RANBP2: variants seen among roughly 807,000 people sequenced by gnomAD.
The protein encoded by RANBP2 is RAN binding protein 2, also known as E3 SUMO-protein ligase RanBP2.
RANBP2 carries 57 observed loss-of-function variants against 303.6 expected under a neutral mutation model. That is an observed-to-expected ratio of 0.19 (90% CI 0.15 to 0.23). The LOEUF (loss-of-function observed/expected upper bound fraction) is 0.23. Among genes scored for constraint, RANBP2 ranks in the 10% least tolerant of loss-of-function variants. The probability of loss-of-function intolerance (pLI) is 1.00; values close to 1 mark genes in which losing one functional copy is unlikely to be tolerated. For synonymous variants in RANBP2, 1,167 were observed against 1,301.5 expected, an observed-to-expected ratio of 0.90 and a Z score of 2.23; for missense variants, 3,138 against 3,780.8, an observed-to-expected ratio of 0.83 and a Z score of 4.46.
the RANBP2 span, among the ~76,000 whole-genome samples, chr2:108,934,254 A>G: frequency 0.014 from 2,173 of 152,126 alleles, 33 homozygotes; most frequent in African/African-American, 0.048. Context: ...GGGGGAGGGG[A>G]GCACAGGGCA....
At chr2:109,431,373 T>A in the RANBP2 span, among the ~76,000 whole-genome samples, 5 of 152,212 alleles carry the variant, frequency 3.3e-5, no homozygotes, top group Non-Finnish European at 5.9e-5. Context: ...TAAAATAATC[T>A]GGTATGTTCT....
the RANBP2 span, among the ~76,000 whole-genome samples, chr2:109,672,099 T>G: frequency 6.6e-6 from 1 of 152,114 alleles, no homozygotes; most frequent in Non-Finnish European, 1.5e-5. Context: ...TACTCACCAG[T>G]GTGTTGTATT....
chr2:109,120,183 A>T, the RANBP2 span, among the ~76,000 whole-genome samples: 1 of 152,192 alleles, frequency 6.6e-6, no homozygotes, highest in Non-Finnish European at 1.5e-5. Flanking sequence ...GGCTACCTGT[A>T]GGGTGGAGTC....
the RANBP2 span, among the ~76,000 whole-genome samples, chr2:109,200,330 C>T: frequency 2.6e-5 from 4 of 152,196 alleles, no homozygotes; most frequent in Admixed American, 6.5e-5. Context: ...GCAGAACTCA[C>T]TAGCAGCCTC....
chr2:109,614,469 G>C, the RANBP2 span: 1 of 1,218,408 alleles, frequency 8.2e-7, no homozygotes, highest in East Asian at 3.4e-5. Flanking sequence ...GCCCGCTGGC[G>C]GGGGAGCAGC....
At chr2:109,127,783 A>C in the RANBP2 span, 1 of 152,252 alleles carries the variant, frequency 6.6e-6, no homozygotes, top group Non-Finnish European at 1.5e-5. Context: ...CAAGAGTTTG[A>C]GGCTGCAGTG....
At chr2:109,188,818 G>C in the RANBP2 span, among the ~76,000 whole-genome samples, 1 of 152,160 alleles carries the variant, frequency 6.6e-6, no homozygotes, top group Non-Finnish European at 1.5e-5. Context: ...ATTAAAAACT[G>C]TTCCTACTTT....
At chr2:109,002,128 G>A in the RANBP2 span, among the ~76,000 whole-genome samples, 2 of 152,198 alleles carry the variant, frequency 1.3e-5, no homozygotes, top group African/African-American at 4.8e-5. Flanking sequence ...TGGCTGCACT[G>A]CACCCTTGCT....
At chr2:109,094,700 G>A in the RANBP2 span, among the ~76,000 whole-genome samples, 2 of 152,134 alleles carry the variant, frequency 1.3e-5, no homozygotes, top group African/African-American at 4.8e-5. Flanking sequence ...CATAGTGGTG[G>A]GTGCCTGCAA....
At chr2:109,696,265 G>T in the RANBP2 span, among the ~76,000 whole-genome samples, 3 of 152,060 alleles carry the variant, frequency 2.0e-5, no homozygotes, top group African/African-American at 7.2e-5. Flanking sequence ...GCCCAACCAA[G>T]ATAATAAAGA....
the RANBP2 span, among the ~76,000 whole-genome samples, chr2:109,606,959 T>C: frequency 6.6e-6 from 1 of 152,184 alleles, no homozygotes; most frequent in African/African-American, 2.4e-5. Flanking sequence ...GCAAAGCTAT[T>C]TCTTTCATGA....
chr2:109,163,936 T>A, the RANBP2 span, among the ~76,000 whole-genome samples: 1 of 152,148 alleles, frequency 6.6e-6, no homozygotes, highest in African/African-American at 2.4e-5. Context: ...CTGGTTTCAG[T>A]TTTGTGATCT....
chr2:108,935,912 C>T, the RANBP2 span, among the ~76,000 whole-genome samples: 7 of 152,170 alleles, frequency 4.6e-5, no homozygotes, highest in Admixed American at 1.3e-4. Flanking sequence ...CTGAGCTGCT[C>T]GCCTCTTGGA....
the RANBP2 span, among the ~76,000 whole-genome samples, chr2:109,245,960 G>A: frequency 6.6e-6 from 1 of 152,154 alleles, no homozygotes; most frequent in Non-Finnish European, 1.5e-5. Context: ...CTGCTATAAT[G>A]AAAGTCTCTA....
chr2:109,031,955 C>T, the RANBP2 span, among the ~76,000 whole-genome samples: 43 of 138,078 alleles, frequency 3.1e-4, no homozygotes, highest in Admixed American at 6.4e-4. Context: ...TTTGCCAAAA[C>T]TCTGAACGCT....
chr2:109,414,225 G>C, the RANBP2 span, among the ~76,000 whole-genome samples: 2 of 152,150 alleles, frequency 1.3e-5, no homozygotes, highest in African/African-American at 4.8e-5. Context: ...CAACGATCAC[G>C]AGCCTTTGTT....
chr2:109,521,930 G>A, the RANBP2 span, among the ~76,000 whole-genome samples: 2 of 152,170 alleles, frequency 1.3e-5, no homozygotes, highest in Non-Finnish European at 2.9e-5. Flanking sequence ...GGGAGGGGTC[G>A]CAGCTGCCGC....
chr2:109,160,683 ATC>A, the RANBP2 span, among the ~76,000 whole-genome samples: 1 of 152,154 alleles, frequency 6.6e-6, no homozygotes, highest in Non-Finnish European at 1.5e-5. Flanking sequence ...CAAAGCCAAG[ATC>A]TCTGACTGCA....
chr2:109,595,947 C>G, the RANBP2 span, among the ~76,000 whole-genome samples: 1 of 152,350 alleles, frequency 6.6e-6, no homozygotes, highest in Non-Finnish European at 1.5e-5. Context: ...CTCTCAGCAT[C>G]TGTGTCTACT....
Sources: allele counts gnomAD v4.1 joint callset (sites outside exome capture counted in the v4.1 genomes callset), GRCh38; gene constraint gnomAD v4.1.1; transcripts MANE v1.5; gene names NCBI Gene and HGNC (gene_info 2026-07-23, HGNC 2026-07-21).